RMDN2: variants seen among roughly 807,000 people sequenced by gnomAD.
RMDN2 encodes regulator of microtubule dynamics protein 2.
In RMDN2, 61 loss-of-function variants were observed where a neutral mutation model predicts 52.8. That is an observed-to-expected ratio of 1.16 (90% CI 0.94 to 1.43). RMDN2 has a LOEUF of 1.43. Ranked by LOEUF, RMDN2 falls within the 40% of genes most tolerant of loss-of-function variation. The pLI is 0.00. For missense variants in RMDN2, 592 were observed against 475.3 expected (o/e 1.25, Z -2.28); for synonymous variants, 180 against 153.1 (o/e 1.18, Z -1.30).
chr2:37,963,783 C>G (rs1473423024), intron 2 of RMDN2, among the ~76,000 whole-genome samples: 1 of 152,172 alleles, frequency 6.6e-6, no homozygotes, highest in African/African-American at 2.4e-5. Flanking sequence ...CTTTCTATTC[C>G]ACAAAACCGC....
intron 10 of RMDN2, among the ~76,000 whole-genome samples, chr2:38,008,666 CCTGT>C (rs1484939128): frequency 5.3e-5 from 8 of 152,112 alleles, no homozygotes; most frequent in African/African-American, 1.9e-4. Context: ...ATCCAATTGG[CCTGT>C]CTGTGTCTTA....
intron 4 of RMDN2, 86 bp downstream of exon 4, chr2:37,975,400 C>G: frequency 1.3e-6 from 1 of 760,846 alleles, no homozygotes. Context: ...AGTTCATGTC[C>G]TTTGCAGGGA....
At chr2:37,939,073 C>T (rs1667563018) in intron 2 of RMDN2, among the ~76,000 whole-genome samples, 1 of 152,158 alleles carries the variant, frequency 6.6e-6, no homozygotes, top group Non-Finnish European at 1.5e-5. Context: ...TTAGCTGTGT[C>T]CCAGAGATTC....
rs141870867 is a variant in RMDN2 at position 37,971,619 on chromosome 2, T to G, written c.453-2421T>G. Reference sequence around the variant, plus strand: ...ATTTTTCCCATCTGAATGCCTGAATTTCCTACTGATCTTACATGCCAACTC... The same window carrying G: ...ATTTTTCCCATCTGAATGCCTGAATGTCCTACTGATCTTACATGCCAACTC... On this transcript the variant is annotated intron_variant, in intron 2 of 10. Coordinates refer to ENST00000354545, the MANE Select transcript of RMDN2 (RefSeq NM_001170791.3). 3.3e-4 allele frequency among the ~76,000 whole-genome samples: 51 copies of G among 152,322 alleles called. 1 individual carries two copies. In the East Asian group the frequency reaches 8.5e-3, roughly 25 times the overall value.
chr2:37,990,584 C>T (rs868401500), intron 6 of RMDN2, among the ~76,000 whole-genome samples: 5 of 144,628 alleles, frequency 3.5e-5, no homozygotes, highest in African/African-American at 1.3e-4. Context: ...TAAGTGTGAC[C>T]AGCACTAAGT....
intron 10 of RMDN2, among the ~76,000 whole-genome samples, chr2:38,010,506 G>A (rs549839716): frequency 6.6e-5 from 10 of 152,300 alleles, no homozygotes; most frequent in South Asian, 2.1e-4. Flanking sequence ...AGGACCCTCC[G>A]AGCCAGGAGA....
At chr2:37,993,540 G>A (rs1289091954) in intron 7 of RMDN2, among the ~76,000 whole-genome samples, 1 of 151,970 alleles carries the variant, frequency 6.6e-6, no homozygotes. Flanking sequence ...TAACAATAAG[G>A]GGAACAGCCA....
intron 5 of RMDN2, among the ~76,000 whole-genome samples, chr2:37,987,073 A>G (rs1422088440): frequency 6.6e-6 from 1 of 152,138 alleles, no homozygotes; most frequent in Non-Finnish European, 1.5e-5. Context: ...GTCTTTGTAA[A>G]AAATCTAAAA....
chr2:38,055,796 G>A (rs934942006), intron 10 of RMDN2, among the ~76,000 whole-genome samples: 2 of 152,084 alleles, frequency 1.3e-5, no homozygotes, highest in Non-Finnish European at 2.9e-5. Flanking sequence ...GGAATAGATT[G>A]CATGCCCCTG....
At position 38,063,011 on chromosome 2, in the gene RMDN2, C is replaced by CG. The variant is rs534682957; in HGVS notation, c.1714-3971_1714-3970insG. On this transcript the variant is annotated intron_variant, in intron 10 of 10. Coordinates refer to the RMDN2 transcript ENST00000234195. Reference sequence around the variant, plus strand: ...ATGTGCCATATTTTCTTAATCCAGTCTATCGTTGTTGGACATTTGGGTTGG... The same window carrying CG: ...ATGTGCCATATTTTCTTAATCCAGTCGTATCGTTGTTGGACATTTGGGTTGG... Among the ~76,000 whole-genome samples the CG allele has an allele frequency of 4.3e-3, 661 of 152,208 alleles. 2 individuals are homozygous for CG. The highest frequency in any genetic ancestry group is 7.1e-3 in the Non-Finnish European group (482 of 67,998).
intron 2 of RMDN2, among the ~76,000 whole-genome samples, chr2:37,959,197 C>T (rs1005408666): frequency 6.6e-6 from 1 of 150,976 alleles, no homozygotes; most frequent in Admixed American, 6.6e-5. Flanking sequence ...CCCTCTTTTT[C>T]TGTTGTTTGG....
intron 1 of RMDN2, among the ~76,000 whole-genome samples, chr2:37,926,747 G>C (rs1666311438): frequency 6.6e-6 from 1 of 152,206 alleles, no homozygotes; most frequent in Non-Finnish European, 1.5e-5. Flanking sequence ...GACCAGCCTA[G>C]CAACATAGGG....
In RMDN2 at chr2:37,943,323, G is replaced by A. The variant is rs79446377; in HGVS notation, c.452+13594G>A. Among the ~76,000 whole-genome samples the A allele has an allele frequency of 3.4e-3, 513 of 152,276 alleles. 5 individuals are homozygous for A. The East Asian group carries it at 0.037, about 11-fold the overall frequency. ...TCAAAGCAATGAGCAGGGAACCAGA[G>A]GACCAAGGTGTCACAGAAACCAAGA... On this transcript the variant is annotated intron_variant, in intron 2 of 10. Transcript: ENST00000354545.
chr2:37,941,429 G>T (rs1667777725), intron 2 of RMDN2, among the ~76,000 whole-genome samples: 1 of 152,242 alleles, frequency 6.6e-6, no homozygotes, highest in African/African-American at 2.4e-5. Context: ...ACTGTGGTGG[G>T]AGATCTGCTG....
intron 10 of RMDN2, among the ~76,000 whole-genome samples, chr2:38,042,595 T>A (rs936197523): frequency 6.6e-6 from 1 of 152,162 alleles, no homozygotes; most frequent in African/African-American, 2.4e-5. Context: ...AAGCTTAGAT[T>A]GCTGATTTTA....
chr2:37,967,805 T>C (rs1212076210), intron 2 of RMDN2, among the ~76,000 whole-genome samples: 2 of 152,102 alleles, frequency 1.3e-5, no homozygotes, highest in Non-Finnish European at 2.9e-5. Flanking sequence ...TGTTTCCTAA[T>C]CTTAAAAAAA....
At chr2:38,021,113 A>G (rs978296043), downstream of RMDN2, among the ~76,000 whole-genome samples, 8 of 152,144 alleles carry the variant, frequency 5.3e-5, no homozygotes, top group East Asian at 1.9e-4. Context: ...GAATGCACCA[A>G]TCAACACTCT....
At chr2:37,999,103 T>C (rs1405860544) in intron 8 of RMDN2, among the ~76,000 whole-genome samples, 1 of 152,196 alleles carries the variant, frequency 6.6e-6, no homozygotes, top group African/African-American at 2.4e-5. Flanking sequence ...CAGAACACTG[T>C]AGAAAAGTTC....
At chr2:38,063,794 T>C (rs554206072) in intron 10 of RMDN2, among the ~76,000 whole-genome samples, 1 of 152,342 alleles carries the variant, frequency 6.6e-6, no homozygotes, top group South Asian at 2.1e-4. Flanking sequence ...TCCCAAGCAA[T>C]GTATGAAAGT....
Sources: allele counts gnomAD v4.1 joint callset (sites outside exome capture counted in the v4.1 genomes callset), GRCh38; gene constraint gnomAD v4.1.1; transcripts MANE v1.5; gene names NCBI Gene and HGNC (gene_info 2026-07-23, HGNC 2026-07-21).